The following FAM210A variants were observed in gnomAD, a reference collection of about 807,000 sequenced individuals.
FAM210A encodes the protein mitochondrial inner membrane scaffold 1.
A neutral mutation model predicts 25.3 loss-of-function variants in FAM210A; 13 were observed. The observed-to-expected ratio is 0.51, with a 90% CI of 0.33 to 0.82. FAM210A has a LOEUF of 0.82. FAM210A is among the 40% of genes least tolerant of loss of function. The pLI, the probability that FAM210A is intolerant of heterozygous loss-of-function variation, is 0.02. For missense variants in FAM210A, 319 were observed against 323.2 expected (o/e 0.99, Z 0.10); for synonymous variants, 125 against 118.7 (o/e 1.05, Z -0.35).
At chr18:13,701,488 C>T (rs557332843) in intron 1 of FAM210A, among the ~76,000 whole-genome samples, 1 of 152,118 alleles carries the variant, frequency 6.6e-6, no homozygotes, top group South Asian at 2.1e-4. Flanking sequence ...TGTGTTCTAC[C>T]CCTTTGTTTC....
Position 13,663,607 on chromosome 18 carries a change from T to G in FAM210A, c.*2873A>C, listed in dbSNP as rs887703641. 1 of 152,144 alleles carries G rather than the reference T, an allele frequency of 6.6e-6. No homozygotes were observed. Among genetic ancestry groups the G allele is most frequent in the African/African-American group, 2.4e-5 (1 of 41,426 alleles). The allele number at this position is 152,144 out of a possible 1,614,324, so 9.4% of individuals were successfully genotyped here. A position where few individuals can be genotyped will look rare whatever the true frequency, so the allele number is the denominator to read the frequency against. ...TTTTTGTGCATTTTACACAGGCGAA[T>G]CTCAGTCCTAGCTCCCTCCCCACCC... is the stretch of plus-strand genomic sequence containing the variant. On this transcript the variant is annotated 3_prime_UTR_variant, in exon 4 of 4. Transcript: ENST00000651643.
chr18:13,707,406 A>C (rs2043787144), intron 1 of FAM210A, among the ~76,000 whole-genome samples: 1 of 152,234 alleles, frequency 6.6e-6, no homozygotes, highest in Non-Finnish European at 1.5e-5. Context: ...ACCAGAACAG[A>C]CCAGGTTTTG....
chr18:13,667,918 C>T (rs570151965), intron 3 of FAM210A, among the ~76,000 whole-genome samples: 8 of 152,106 alleles, frequency 5.3e-5, no homozygotes, highest in East Asian at 3.9e-4. Flanking sequence ...AATACTTAGC[C>T]GGGAGTAAGT....
rs184581968 is a variant in FAM210A, at chr18:13,691,461, C to T, written c.-28-9356G>A. Among the ~76,000 whole-genome samples, 172 of 152,172 alleles carry T rather than the reference C, an allele frequency of 1.1e-3. 3 individuals carry two copies. Among genetic ancestry groups the T allele is most frequent in the Non-Finnish European group, 1.3e-4 (9 of 68,018 alleles). On this transcript the variant is annotated intron_variant, in intron 1 of 3. Coordinates refer to ENST00000651643, the MANE Select transcript of FAM210A (RefSeq NM_152352.4). Reference sequence around the variant, plus strand: ...CTCTGAGACACATAATTGTCAGATTCGCCAAAGTTGAAATGAAGGAAAAAA... The same window carrying T: ...CTCTGAGACACATAATTGTCAGATTTGCCAAAGTTGAAATGAAGGAAAAAA...
intron 1 of FAM210A, among the ~76,000 whole-genome samples, chr18:13,714,502 G>A (rs1481457688): frequency 6.6e-6 from 1 of 152,330 alleles, no homozygotes; most frequent in East Asian, 1.9e-4. Flanking sequence ...AGTAACTGAA[G>A]TTTTGAGCAA....
chr18:13,713,835 A>C (rs1392955926), intron 1 of FAM210A, among the ~76,000 whole-genome samples: 1 of 151,806 alleles, frequency 6.6e-6, no homozygotes, highest in African/African-American at 2.4e-5. Flanking sequence ...CTGACACCTG[A>C]CTCAAGCGAT....
At chr18:13,684,082 G>A (rs1336925920) in intron 1 of FAM210A, among the ~76,000 whole-genome samples, 1 of 152,070 alleles carries the variant, frequency 6.6e-6, no homozygotes, top group East Asian at 1.9e-4. Context: ...AAAATAAATA[G>A]GCTCCCAAGA....
chr18:13,699,157 T>G (rs1601959014), intron 1 of FAM210A, among the ~76,000 whole-genome samples: 1 of 152,246 alleles, frequency 6.6e-6, no homozygotes, highest in Non-Finnish European at 1.5e-5. Context: ...AAATTCAGTT[T>G]GCTGCTTAGA....
At chr18:13,678,663 G>T (rs2043524728) in intron 2 of FAM210A, among the ~76,000 whole-genome samples, 1 of 152,178 alleles carries the variant, frequency 6.6e-6, no homozygotes, top group Non-Finnish European at 1.5e-5. Flanking sequence ...TGAACATGAA[G>T]TATTAATGAG....
intron 1 of FAM210A, among the ~76,000 whole-genome samples, chr18:13,686,975 T>C (rs2043603055): frequency 6.6e-6 from 1 of 152,172 alleles, no homozygotes. Context: ...AACTACAGAC[T>C]AATACTTCTT....
At position 13,681,639 on chromosome 18, in the gene FAM210A, C is replaced by T; in HGVS notation, c.439G>A (p.Val147Ile). ...LIPVHLITSG[V>I]WFGTFYYAAL... Reference sequence around the variant, plus strand: ...GCATAATAAAATGTTCCAAACCAAACACCAGAAGTTATTAGATGCACTGGA... The same window carrying T: ...GCATAATAAAATGTTCCAAACCAAATACCAGAAGTTATTAGATGCACTGGA... Residue 147 changes from valine (V) to isoleucine (I), a missense_variant, in exon 2 of 4, where the codon GTT (valine) becomes ATT (isoleucine). Physicochemically the swap from Val to Ile is conservative, Grantham distance 29 (BLOSUM62 3). Coordinates refer to ENST00000651643, the MANE Select transcript of FAM210A (RefSeq NM_152352.4). The T allele has an allele frequency of 6.2e-7, 1 of 1,611,254 alleles. No individual in the cohort carries two copies. The highest frequency in any genetic ancestry group is 1.7e-5 in the Admixed American group (1 of 59,542).
intron 1 of FAM210A, among the ~76,000 whole-genome samples, chr18:13,720,256 C>CA (rs1439427951): frequency 6.6e-6 from 1 of 152,190 alleles, no homozygotes; most frequent in Admixed American, 6.5e-5. Flanking sequence ...ACTGACATTT[C>CA]AAGCACCAGA....
intron 1 of FAM210A, among the ~76,000 whole-genome samples, chr18:13,723,164 C>T (rs776430767): frequency 2.3e-4 from 35 of 152,150 alleles, no homozygotes; most frequent in Middle Eastern, 3.2e-3. Flanking sequence ...CCATATCACA[C>T]CAGGGACTAT....
chr18:13,724,313 T>A (rs1231772604), intron 1 of FAM210A, among the ~76,000 whole-genome samples: 2 of 152,232 alleles, frequency 1.3e-5, no homozygotes. Flanking sequence ...CAGAGTCTGG[T>A]CAATCAGCCA....
At chr18:13,719,244 T>C (rs1017419053) in intron 1 of FAM210A, among the ~76,000 whole-genome samples, 1 of 88,560 alleles carries the variant, frequency 1.1e-5, no homozygotes, top group Non-Finnish European at 2.5e-5. Flanking sequence ...AGAACAAGAA[T>C]TGCAGTATTT....
chr18:13,699,414 G>A (rs1223095267), intron 1 of FAM210A, among the ~76,000 whole-genome samples: 2 of 151,844 alleles, frequency 1.3e-5, no homozygotes, highest in Non-Finnish European at 2.9e-5. Flanking sequence ...GAATTCCTAT[G>A]GAAGTTCATT....
chr18:13,704,617 G>A (rs930723652), intron 1 of FAM210A, among the ~76,000 whole-genome samples: 3 of 152,060 alleles, frequency 2.0e-5, no homozygotes, highest in Admixed American at 6.5e-5. Context: ...ACTACAGAGG[G>A]CCCCTGAAGC....
At position 13,701,107 on chromosome 18, in the gene FAM210A, G is replaced by A. The variant is rs1009938006; in HGVS notation, c.-28-19002C>T. ...GTTTTTAACAGATGGTGTCAGAAGTGGGATCTGAAATAGAGCTTCTAATGA... is the reference window on the plus strand; with the variant it reads ...GTTTTTAACAGATGGTGTCAGAAGTAGGATCTGAAATAGAGCTTCTAATGA... On this transcript the variant is annotated intron_variant, in intron 1 of 3. Coordinates refer to ENST00000651643, the MANE Select transcript of FAM210A (RefSeq NM_152352.4). Among the ~76,000 whole-genome samples the A allele has an allele frequency of 3.9e-5, 6 of 152,168 alleles. No homozygotes were observed. The South Asian group carries it at 1.0e-3, about 26-fold the overall frequency.
chr18:13,695,253 G>C (rs904273920), intron 1 of FAM210A, among the ~76,000 whole-genome samples: 1 of 152,152 alleles, frequency 6.6e-6, no homozygotes, highest in Non-Finnish European at 1.5e-5. Context: ...GGAACACTTT[G>C]ACACTGTTGG....
Sources: allele counts gnomAD v4.1 joint callset (sites outside exome capture counted in the v4.1 genomes callset), GRCh38; gene constraint gnomAD v4.1.1; transcripts MANE v1.5; gene names NCBI Gene and HGNC (gene_info 2026-07-23, HGNC 2026-07-21).